REDIC1: variants seen among roughly 807,000 people sequenced by gnomAD.
REDIC1 encodes regulator of DNA class I crossover intermediates 1, also known as HEI10 Interacting Protein 1.
the REDIC1 span, among the ~76,000 whole-genome samples, chr12:39,818,042 A>T: frequency 0.69 from 104,690 of 152,078 alleles, 36,540 homozygotes; most frequent in African/African-American, 0.79. Flanking sequence ...CAGCTCTTTA[A>T]CTTCTACAGA....
At chr12:39,749,299 CAAAT>C in the REDIC1 span, among the ~76,000 whole-genome samples, 1 of 152,174 alleles carries the variant, frequency 6.6e-6, no homozygotes, top group Admixed American at 6.5e-5. Context: ...CACCTCTACA[CAAAT>C]AAACTAGAAA....
chr12:39,844,195 C>G, the REDIC1 span, among the ~76,000 whole-genome samples: 942 of 152,122 alleles, frequency 6.2e-3, 12 homozygotes, highest in African/African-American at 0.021. Flanking sequence ...TACCTGATAA[C>G]AGGTGCTGAT....
chr12:39,706,392 A>G, the REDIC1 span, among the ~76,000 whole-genome samples: 1 of 152,160 alleles, frequency 6.6e-6, no homozygotes, highest in East Asian at 1.9e-4. Flanking sequence ...ACCCTAAGCA[A>G]TCTATTCAAT....
At chr12:39,811,567 T>C in the REDIC1 span, among the ~76,000 whole-genome samples, 4 of 152,266 alleles carry the variant, frequency 2.6e-5, no homozygotes, top group African/African-American at 7.2e-5. Flanking sequence ...TTTTACAGCA[T>C]GGGTTATTTA....
the REDIC1 span, chr12:39,759,516 A>C: frequency 1.3e-5 from 2 of 152,922 alleles, no homozygotes; most frequent in Non-Finnish European, 2.9e-5. Context: ...TGTTGATGAA[A>C]GCTTACATGG....
At chr12:39,849,666 A>T in the REDIC1 span, among the ~76,000 whole-genome samples, 4 of 152,134 alleles carry the variant, frequency 2.6e-5, no homozygotes, top group Non-Finnish European at 1.5e-5. Context: ...CTCTGACAGG[A>T]TAATTACCAA....
At chr12:39,810,004 T>A in the REDIC1 span, among the ~76,000 whole-genome samples, 2 of 152,202 alleles carry the variant, frequency 1.3e-5, no homozygotes, top group African/African-American at 4.8e-5. Flanking sequence ...TGATTTATAA[T>A]CCTTTGGGTA....
At chr12:39,684,911 ACTTTGG>A in the REDIC1 span, 11 of 1,612,008 alleles carry the variant, frequency 6.8e-6, no homozygotes, top group African/African-American at 1.1e-4. Flanking sequence ...CAGTCATGGG[ACTTTGG>A]ACTTGATGAG....
the REDIC1 span, among the ~76,000 whole-genome samples, chr12:39,896,093 TAC>T: frequency 1.3e-5 from 2 of 149,486 alleles, no homozygotes; most frequent in Non-Finnish European, 3.0e-5. Context: ...CATATATGTA[TAC>T]ACGTGTATAC....
the REDIC1 span, among the ~76,000 whole-genome samples, chr12:39,635,282 C>T: frequency 6.6e-6 from 1 of 152,124 alleles, no homozygotes; most frequent in Admixed American, 6.5e-5. Flanking sequence ...ACCCAGCAAT[C>T]CCATTACTGG....
chr12:39,863,508 G>A, the REDIC1 span, among the ~76,000 whole-genome samples: 1 of 152,086 alleles, frequency 6.6e-6, no homozygotes, highest in South Asian at 2.1e-4. Context: ...TCAAATGACA[G>A]TAATTTTTAA....
At chr12:39,695,663 G>C in the REDIC1 span, among the ~76,000 whole-genome samples, 2,082 of 152,298 alleles carry the variant, frequency 0.014, 44 homozygotes, top group African/African-American at 0.047. Context: ...GATCCACCTG[G>C]GGCCTGGGGG....
the REDIC1 span, among the ~76,000 whole-genome samples, chr12:39,712,599 A>G: frequency 0.038 from 5,501 of 143,900 alleles, 241 homozygotes; most frequent in African/African-American, 0.11. Flanking sequence ...ACGTATATAC[A>G]TATATATGTA....
the REDIC1 span, among the ~76,000 whole-genome samples, chr12:39,812,328 CTAA>C: frequency 7.8e-6 from 1 of 128,552 alleles, no homozygotes; most frequent in Non-Finnish European, 1.6e-5. Context: ...CACATTGGGA[CTAA>C]TTTCTTTTTT....
At chr12:39,774,371 C>T in the REDIC1 span, among the ~76,000 whole-genome samples, 6 of 152,186 alleles carry the variant, frequency 3.9e-5, no homozygotes, top group African/African-American at 1.4e-4. Context: ...TGGCCCATTA[C>T]TTCTCAGATA....
chr12:39,774,755 C>A, the REDIC1 span, among the ~76,000 whole-genome samples: 52 of 152,082 alleles, frequency 3.4e-4, 1 homozygote, highest in African/African-American at 1.2e-3. Context: ...AAATTTGGAG[C>A]AAAAAGCCAC....
At chr12:39,627,210 G>A in the REDIC1 span, among the ~76,000 whole-genome samples, 11 of 152,210 alleles carry the variant, frequency 7.2e-5, no homozygotes, top group Non-Finnish European at 1.5e-4. Flanking sequence ...AGCTATGCCT[G>A]ATAATTTTAG....
At chr12:39,643,934 GC>G in the REDIC1 span, 1 of 1,502,848 alleles carries the variant, frequency 6.7e-7, no homozygotes, top group South Asian at 1.2e-5. Context: ...CATTCCAATT[GC>G]ATTCTGTTTT....
the REDIC1 span, among the ~76,000 whole-genome samples, chr12:39,685,572 A>G: frequency 1.3e-5 from 2 of 152,180 alleles, no homozygotes; most frequent in African/African-American, 4.8e-5. Flanking sequence ...CACCTCCAAC[A>G]CTCAGGATTA....
Sources: allele counts gnomAD v4.1 joint callset (sites outside exome capture counted in the v4.1 genomes callset), GRCh38; gene constraint gnomAD v4.1.1; transcripts MANE v1.5; gene names NCBI Gene and HGNC (gene_info 2026-07-23, HGNC 2026-07-21).